Variants in STXBP5 observed in about 807,000 individuals in gnomAD.
STXBP5 encodes syntaxin-binding protein 5.
Under a neutral mutation model 152.4 loss-of-function variants are expected in STXBP5, and 50 were observed. The ratio of observed to expected loss-of-function variants is 0.33; its 90% CI spans 0.26 to 0.42. The LOEUF (loss-of-function observed/expected upper bound fraction) is 0.42, where lower values mean the gene tolerates loss of function less well. Among genes scored for constraint, STXBP5 ranks in the 10% least tolerant of loss-of-function variants. The pLI, the probability that STXBP5 is intolerant of heterozygous loss-of-function variation, is 1.00. For synonymous variants in STXBP5, 492 were observed against 494.7 expected (o/e 0.99, Z 0.07); for missense variants, 1,167 against 1,388.6 (o/e 0.84, Z 2.54).
intron 9 of STXBP5, among the ~76,000 whole-genome samples, chr6:147,294,475 A>C (rs540398508): frequency 2.0e-5 from 3 of 152,254 alleles, no homozygotes; most frequent in Non-Finnish European, 4.4e-5. Flanking sequence ...TCTCACACAT[A>C]CTGGTTGTCT....
intron 26 of STXBP5, among the ~76,000 whole-genome samples, chr6:147,380,364 G>T (rs1786022665): frequency 2.1e-5 from 3 of 142,468 alleles, no homozygotes; most frequent in Non-Finnish European, 4.6e-5. Context: ...ATGGTCAATT[G>T]TTTTTTTTTA....
At chr6:147,205,370 G>GAATATATATATATA in intron 1 of STXBP5, among the ~76,000 whole-genome samples, 1 of 88,272 alleles carries the variant, frequency 1.1e-5, no homozygotes, top group Non-Finnish European at 2.3e-5. Flanking sequence ...TTAAAAGTGT[G>GAATATATATATATA]CATATATATA....
intron 9 of STXBP5, among the ~76,000 whole-genome samples, chr6:147,295,900 C>T (rs1781496193): frequency 6.6e-6 from 1 of 152,184 alleles, no homozygotes; most frequent in Non-Finnish European, 1.5e-5. Flanking sequence ...GAGTGCTCTG[C>T]TCAGGGGACC....
At chr6:147,326,427 G>T (rs1172960508) in intron 17 of STXBP5, among the ~76,000 whole-genome samples, 1 of 152,018 alleles carries the variant, frequency 6.6e-6, no homozygotes, top group African/African-American at 2.4e-5. Flanking sequence ...TTATGTGGCC[G>T]TGTCCGTGTT....
intron 4 of STXBP5, among the ~76,000 whole-genome samples, chr6:147,245,783 T>A (rs1778781502): frequency 6.6e-6 from 1 of 152,166 alleles, no homozygotes; most frequent in Non-Finnish European, 1.5e-5. Context: ...CAATACCATG[T>A]GATGAAGGAG....
In STXBP5 at chr6:147,335,913, A is replaced by G. The variant is rs368436766; in HGVS notation, c.2146+1691A>G. ...TCAAATATATTTTGCTCTTTGGTCCATGTGAAAAGGAAAGTAATAGAGAAG... is the reference window on the plus strand; with the variant it reads ...TCAAATATATTTTGCTCTTTGGTCCGTGTGAAAAGGAAAGTAATAGAGAAG... On this transcript the variant is annotated intron_variant, in intron 19 of 27. Coordinates refer to ENST00000321680, the MANE Select transcript of STXBP5 (RefSeq NM_001127715.4). Among the ~76,000 whole-genome samples, 127 of 152,356 alleles carry G rather than the reference A, an allele frequency of 8.3e-4. 1 individual carries two copies. Among genetic ancestry groups the G allele is most frequent in the African/African-American group, 2.9e-3 (122 of 41,598 alleles).
intron 9 of STXBP5, among the ~76,000 whole-genome samples, chr6:147,300,155 TGAAGA>T (rs1361451943): frequency 6.6e-6 from 1 of 151,956 alleles, no homozygotes; most frequent in African/African-American, 2.4e-5. Context: ...GGAAAGAAAT[TGAAGA>T]GCACAAATGG....
chr6:147,264,605 T>A (rs2115356415), intron 6 of STXBP5, among the ~76,000 whole-genome samples: 1 of 152,226 alleles, frequency 6.6e-6, no homozygotes, highest in South Asian at 2.1e-4. Context: ...AGAAATGTAT[T>A]CATATTCCAC....
At chr6:147,262,430 C>A in intron 6 of STXBP5, 77 bp downstream of exon 6, 1 of 844,414 alleles carries the variant, frequency 1.2e-6, no homozygotes, top group Non-Finnish European at 1.8e-6. Flanking sequence ...ATTTCAGGAT[C>A]ACACTTATTA....
At position 147,219,121 on chromosome 6, in the gene STXBP5, G is replaced by C. The variant is rs76995796; in HGVS notation, c.248+13053G>C. Among the ~76,000 whole-genome samples, 573 of 152,222 alleles carry C rather than the reference G, an allele frequency of 3.8e-3. 3 individuals are homozygous for C. Among genetic ancestry groups the C allele is most frequent in the African/African-American group, 0.013 (548 of 41,536 alleles). ...TTTATCAAGTTGAGCAACTTCACCT[G>C]TATTCGTAGTTTACCGACAGTGTTT... On this transcript the variant is annotated intron_variant, in intron 2 of 27. Coordinates refer to ENST00000321680, the MANE Select transcript of STXBP5 (RefSeq NM_001127715.4).
At chr6:147,353,499 G>T (rs1582986581) in intron 22 of STXBP5, 126 bp downstream of exon 22, 3 of 528,256 alleles carry the variant, frequency 5.7e-6, no homozygotes, top group African/African-American at 4.0e-5. Context: ...GATGCTTAAG[G>T]TTTAAACATT....
At chr6:147,236,190 C>G (rs1283267871) in intron 3 of STXBP5, among the ~76,000 whole-genome samples, 2 of 152,106 alleles carry the variant, frequency 1.3e-5, no homozygotes, top group African/African-American at 4.8e-5. Context: ...AATGTAAAAA[C>G]CTCCATAAAA....
intron 2 of STXBP5, among the ~76,000 whole-genome samples, chr6:147,224,559 A>G (rs1343937919): frequency 6.6e-6 from 1 of 152,264 alleles, no homozygotes; most frequent in Non-Finnish European, 1.5e-5. Context: ...AGAAAACTAC[A>G]GCACAGTTAG....
chr6:147,244,638 A>G (rs1038817778), intron 4 of STXBP5, among the ~76,000 whole-genome samples: 10 of 152,214 alleles, frequency 6.6e-5, no homozygotes, highest in Admixed American at 5.2e-4. Flanking sequence ...CGTCAATAGC[A>G]TTTAGAATCA....
intron 26 of STXBP5, among the ~76,000 whole-genome samples, chr6:147,377,482 C>T (rs977327840): frequency 6.6e-6 from 1 of 152,108 alleles, no homozygotes. Flanking sequence ...GTTCAGGCTG[C>T]TATATCAAAA....
At chr6:147,284,218 CTT>C (rs1320820365) in intron 8 of STXBP5, among the ~76,000 whole-genome samples, 1 of 152,094 alleles carries the variant, frequency 6.6e-6, no homozygotes, top group Non-Finnish European at 1.5e-5. Flanking sequence ...GCACGGTAGA[CTT>C]ACGGCTACCC....
chr6:147,336,461 C>G (rs1238521565), intron 19 of STXBP5, among the ~76,000 whole-genome samples: 1 of 150,748 alleles, frequency 6.6e-6, no homozygotes, highest in Non-Finnish European at 1.5e-5. Context: ...TTATTATTAC[C>G]CCTTTGGCCA....
Position 147,260,654 on chromosome 6 carries a change from C to G in STXBP5, c.471C>G (p.Leu157=). 1.2e-6 allele frequency: 2 copies of G among 1,613,634 alleles called. No individual in the cohort carries two copies. The highest frequency in any genetic ancestry group is 1.1e-5 in the South Asian group (1 of 91,070). Residue 157 remains leucine (L), a synonymous_variant, in exon 5 of 28, where the codon CTC becomes CTG. Coordinates refer to ENST00000321680, the MANE Select transcript of STXBP5 (RefSeq NM_001127715.4). ...FCHLPFQSKW[L]YVGTERGNIH... is the part of the protein sequence containing the mutation. ...ATCTGCCTTTCCAGAGTAAGTGGCT[C>G]TATGTGGGCACTGAACGAGGTAATA...
chr6:147,271,598 TG>T (rs148053732), intron 7 of STXBP5, among the ~76,000 whole-genome samples: 5,381 of 152,074 alleles, frequency 0.035, 147 homozygotes, highest in Admixed American at 0.054. Flanking sequence ...TATTTTGAAC[TG>T]AAAAAAACGA....
Sources: gnomAD v4.1 joint callset for allele counts (sites outside exome capture counted in the v4.1 genomes callset) on GRCh38, gnomAD v4.1.1 for gene constraint, MANE v1.5 for transcripts, NCBI Gene and HGNC (gene_info 2026-07-23, HGNC 2026-07-21) for gene names.